CCN4: variants seen among roughly 807,000 people sequenced by gnomAD.
The protein encoded by CCN4 is CCN family member 4.
CCN4 carries 30 observed loss-of-function variants against 36.7 expected under a neutral mutation model. The ratio of observed to expected loss-of-function variants is 0.82; its 90% confidence interval spans 0.61 to 1.11. CCN4 has a LOEUF of 1.11. Ranked by LOEUF, CCN4 falls within the 50% of genes least tolerant of loss-of-function variation. The pLI is 0.00. For missense variants in CCN4, 505 were observed against 504.9 expected (o/e 1.00, Z 0.00); for synonymous variants, 191 against 195.4 (o/e 0.98, Z 0.19).
At chr8:133,223,010 C>T (rs1009359397) in intron 3 of CCN4, among the ~76,000 whole-genome samples, 3 of 152,000 alleles carry the variant, frequency 2.0e-5, no homozygotes, top group African/African-American at 4.8e-5. Flanking sequence ...ATGCCAGAAG[C>T]GCCCGCTCCC....
At chr8:133,218,135 G>A (rs985145237) in intron 2 of CCN4, among the ~76,000 whole-genome samples, 1 of 152,130 alleles carries the variant, frequency 6.6e-6, no homozygotes, top group Non-Finnish European at 1.5e-5. Flanking sequence ...AGTCCCAGCT[G>A]TATCATTCAA....
At chr8:133,208,938 G>C (rs1023086210) in intron 1 of CCN4, among the ~76,000 whole-genome samples, 1 of 152,244 alleles carries the variant, frequency 6.6e-6, no homozygotes, top group African/African-American at 2.4e-5. Context: ...GGATGCCATT[G>C]TTATAGCATT....
At chr8:133,199,954 G>A (rs1299176219) in intron 1 of CCN4, among the ~76,000 whole-genome samples, 12 of 152,128 alleles carry the variant, frequency 7.9e-5, no homozygotes, top group African/African-American at 1.4e-4. Context: ...AAACTGAGGC[G>A]CCGAGAGTTT....
At position 133,227,600 on chromosome 8, in the gene CCN4, C is replaced by T. The variant is rs746207713; in HGVS notation, c.994C>T (p.Arg332Cys). 19 of 1,614,206 alleles carry T rather than the reference C, an allele frequency of 1.2e-5. No homozygotes were observed. Among genetic ancestry groups the T allele is most frequent in the South Asian group, 2.2e-5 (2 of 91,082 alleles). ...FQCPDGLGFS[R>C]QVLWINACFC... ...GTGTCCTGATGGGCTTGGCTTCTCC[C>T]GCCAGGTCCTATGGATTAATGCCTG... The change falls in exon 5 of 5, where the codon CGC becomes TGC. Residue 332 changes from arginine (R) to cysteine (C), a missense_variant. Physicochemically the swap from Arg to Cys is radical, Grantham distance 180 (BLOSUM62 -3). Coordinates refer to ENST00000250160, the MANE Select transcript of CCN4 (RefSeq NM_003882.4).
In CCN4 at chr8:133,225,601, G is replaced by T. The variant is rs776319095; in HGVS notation, c.804+18G>T. The T allele has an allele frequency of 4.3e-5, 67 of 1,551,618 alleles. No individual in the cohort carries two copies. Among genetic ancestry groups the T allele is most frequent in the Non-Finnish European group, 5.4e-5 (62 of 1,140,998 alleles). On this transcript the variant is annotated intron_variant, in intron 4 of 4. Coordinates refer to ENST00000250160, the MANE Select transcript of CCN4 (RefSeq NM_003882.4). ...TCATTAAGGTGGGTCCAGAGCAGGT[G>T]TGGATGTCTAGACTTCACAAGCAGA...
chr8:133,220,973 C>T, intron 3 of CCN4, 132 bp downstream of exon 3: 1 of 1,233,460 alleles, frequency 8.1e-7, no homozygotes, highest in Non-Finnish European at 1.1e-6. Context: ...TTGAGAAAGT[C>T]ATACCTCCCC....
At chr8:133,213,809 A>T (rs950479435) in intron 2 of CCN4, among the ~76,000 whole-genome samples, 1 of 145,708 alleles carries the variant, frequency 6.9e-6, no homozygotes, top group African/African-American at 2.5e-5. Context: ...AATATACTAC[A>T]TATACACTAT....
intron 1 of CCN4, among the ~76,000 whole-genome samples, chr8:133,194,310 T>G (rs1853229986): frequency 9.0e-6 from 1 of 110,514 alleles, no homozygotes; most frequent in African/African-American, 3.7e-5. Context: ...GTGTGTGGTG[T>G]GTGTGTGTAT....
At chr8:133,192,011 A>G (rs1853132258) in intron 1 of CCN4, among the ~76,000 whole-genome samples, 1 of 152,042 alleles carries the variant, frequency 6.6e-6, no homozygotes, top group Non-Finnish European at 1.5e-5. Context: ...AGGGCCAGGC[A>G]TGGTGAGGAA....
intron 2 of CCN4, 26 bp from the exon 3 acceptor site, chr8:133,220,555 G>T (rs752841361): frequency 6.2e-7 from 1 of 1,603,542 alleles, no homozygotes; most frequent in African/African-American, 1.3e-5. Context: ...AGGCCACTGG[G>T]CCTGACCGGC....
chr8:133,210,250 A>G (rs1056247611), intron 1 of CCN4, among the ~76,000 whole-genome samples: 4 of 152,104 alleles, frequency 2.6e-5, no homozygotes, highest in Admixed American at 1.3e-4. Flanking sequence ...AGGAGAGGGC[A>G]TCTTTATTTC....
At chr8:133,224,674 C>A (rs111805324) in intron 3 of CCN4, among the ~76,000 whole-genome samples, 2,895 of 152,152 alleles carry the variant, frequency 0.019, 72 homozygotes, top group African/African-American at 0.067. Flanking sequence ...GTGGCTTATG[C>A]CTGTAATCCC....
chr8:133,212,759 A>T (rs1422438522), intron 1 of CCN4, 105 bp from the exon 2 acceptor site: 8 of 894,410 alleles, frequency 8.9e-6, no homozygotes, highest in Non-Finnish European at 1.3e-5. Context: ...TAATTTTATG[A>T]AAACCTTTTG....
At chr8:133,191,256 T>A in intron 1 of CCN4, 43 bp downstream of exon 1, 1 of 1,581,896 alleles carries the variant, frequency 6.3e-7, no homozygotes, top group Non-Finnish European at 8.6e-7. Context: ...CCCAGCTCCC[T>A]TCTCTACTGG....
intron 2 of CCN4, among the ~76,000 whole-genome samples, chr8:133,218,989 T>A (rs1854424613): frequency 6.6e-6 from 1 of 151,912 alleles, no homozygotes; most frequent in African/African-American, 2.4e-5. Context: ...GCAGCTCTCC[T>A]TCCAAATCTG....
intron 1 of CCN4, among the ~76,000 whole-genome samples, chr8:133,211,736 C>T (rs1188593105): frequency 6.6e-6 from 1 of 152,202 alleles, no homozygotes; most frequent in Non-Finnish European, 1.5e-5. Context: ...ACTCAGCCGT[C>T]AAGGACGAGA....
chr8:133,203,232 A>G (rs1293370282), intron 1 of CCN4, among the ~76,000 whole-genome samples: 1 of 152,210 alleles, frequency 6.6e-6, no homozygotes, highest in Non-Finnish European at 1.5e-5. Flanking sequence ...AATCCCCACA[A>G]GGGCTCCTCA....
Position 133,229,155 on chromosome 8 carries a change from C to T in CCN4, c.*1445C>T, listed in dbSNP as rs1393276390. Reference sequence around the variant, plus strand: ...TATTTCTGTTCTTACAAATGTGAAACGGAAGCTCATAGAGGTGAGAAAACT... The same window carrying T: ...TATTTCTGTTCTTACAAATGTGAAATGGAAGCTCATAGAGGTGAGAAAACT... On this transcript the variant is annotated 3_prime_UTR_variant, in exon 5 of 5. Coordinates refer to ENST00000250160, the MANE Select transcript of CCN4 (RefSeq NM_003882.4). 2.6e-5 allele frequency: 4 copies of T among 152,092 alleles called. No homozygotes were observed. The highest frequency in any genetic ancestry group is 6.6e-5 in the Admixed American group (1 of 15,266). 9.4% of individuals were successfully genotyped at this position (152,092 alleles called of 1,614,324 possible).
At chr8:133,216,039 C>T (rs990378986) in intron 2 of CCN4, among the ~76,000 whole-genome samples, 2 of 152,070 alleles carry the variant, frequency 1.3e-5, no homozygotes, top group African/African-American at 2.4e-5. Flanking sequence ...ACATCACACA[C>T]ATATGTGCCC....
Sources: allele counts gnomAD v4.1 joint callset (sites outside exome capture counted in the v4.1 genomes callset), GRCh38; gene constraint gnomAD v4.1.1; transcripts MANE v1.5; gene names NCBI Gene and HGNC (gene_info 2026-07-23, HGNC 2026-07-21).